Variants in TDRD9 observed in about 807,000 individuals in gnomAD.
TDRD9 encodes the protein tudor domain containing 9.
In TDRD9, 124 loss-of-function variants were observed where a neutral mutation model predicts 172.6. The ratio of observed to expected loss-of-function variants is 0.72; its 90% CI spans 0.62 to 0.83. The LOEUF (loss-of-function observed/expected upper bound fraction) is 0.83, where lower values mean the gene tolerates loss of function less well. Among genes scored for constraint, TDRD9 ranks in the 40% least tolerant of loss-of-function variants. The pLI is 0.00. For synonymous variants in TDRD9, 619 were observed against 617.1 expected (o/e 1.00, Z -0.05); for missense variants, 1,479 against 1,714.1 (o/e 0.86, Z 2.42).
intron 1 of TDRD9, among the ~76,000 whole-genome samples, chr14:103,934,799 G>A (rs1022092961): frequency 2.6e-5 from 4 of 152,240 alleles, no homozygotes; most frequent in Non-Finnish European, 5.9e-5. Context: ...AAGGACAGGA[G>A]CAGGGTGGTC....
intron 1 of TDRD9, chr14:103,939,676 GGTTTTTTTTTTTTTTT>G (rs1462508847): frequency 2.5e-4 from 9 of 36,324 alleles, no homozygotes; most frequent in African/African-American, 8.1e-4. Context: ...AAGTTAGGAG[GGTTTTTTTTTTTTTTT>G]TTTTTTTTTT....
At chr14:104,035,174 G>C in intron 32 of TDRD9, 118 bp downstream of exon 32, 1 of 717,148 alleles carries the variant, frequency 1.4e-6, no homozygotes, top group Non-Finnish European at 2.3e-6. Flanking sequence ...GCCATGGCAC[G>C]TCTCGCTGCT....
rs867864375 is a variant in TDRD9, at chr14:104,040,277, C to T, written c.3798C>T (p.Pro1266=). Residue 1266 remains proline (P), a synonymous_variant, in exon 33 of 36, where the codon CCC becomes CCT. Coordinates refer to ENST00000409874, the MANE Select transcript of TDRD9 (RefSeq NM_153046.3). ...CAGCTACAGGGGCTTCCATACTGCC[C>T]GAGCACGACATGGAGCTTGCGTTTG... ...WNPATGASIL[P]EHDMELAFDV... 24 of 1,551,486 alleles carry T rather than the reference C, an allele frequency of 1.5e-5. No homozygotes were observed. Among genetic ancestry groups the T allele is most frequent in the Middle Eastern group, 1.7e-4 (1 of 6,010 alleles).
rs1566784118 is a variant in TDRD9, at chr14:104,014,725, G to T, written c.2107G>T (p.Val703Leu). ...NYIQIKRIRE[V>L]AELYEELKTR... ...TCAGATTTCAATGTATTTTTCTTAG[G>T]TGGCTGAATTATATGAAGAATTGAA... The change falls in exon 21 of 36, where the codon GTG (valine) becomes TTG (leucine). Residue 703 changes from valine (V) to leucine (L), a missense_variant and splice_region_variant. By Grantham distance (32) the Val-to-Leu change is conservative. Coordinates refer to ENST00000409874, the MANE Select transcript of TDRD9 (RefSeq NM_153046.3). 2 of 1,576,128 alleles carry T rather than the reference G, an allele frequency of 1.3e-6. No homozygotes were observed. The highest frequency in any genetic ancestry group is 2.2e-5 in the South Asian group (2 of 89,910).
intron 33 of TDRD9, among the ~76,000 whole-genome samples, chr14:104,040,857 A>G (rs1469146923): frequency 6.6e-6 from 1 of 152,292 alleles, no homozygotes; most frequent in Non-Finnish European, 1.5e-5. Context: ...GAAACTGTGT[A>G]GCAAGTACAC....
intron 35 of TDRD9, 179 bp downstream of exon 35, chr14:104,049,859 G>T: frequency 1.7e-6 from 1 of 580,218 alleles, no homozygotes; most frequent in South Asian, 2.4e-5. Flanking sequence ...GGCTGTTTCT[G>T]CACAGTGTCT....
At chr14:104,025,825 C>A in intron 26 of TDRD9, 49 bp downstream of exon 26, 1 of 1,396,372 alleles carries the variant, frequency 7.2e-7, no homozygotes, top group Non-Finnish European at 1.0e-6. Flanking sequence ...GACAGACAGA[C>A]GTACAGCAGT....
At chr14:103,945,856 G>A (rs2031527682) in intron 1 of TDRD9, among the ~76,000 whole-genome samples, 1 of 152,098 alleles carries the variant, frequency 6.6e-6, no homozygotes, top group Non-Finnish European at 1.5e-5. Flanking sequence ...AAGCTAAGGA[G>A]CCAGACATAA....
chr14:104,049,124 G>GTA (rs2035869150), intron 34 of TDRD9, among the ~76,000 whole-genome samples: 3 of 140,658 alleles, frequency 2.1e-5, no homozygotes, highest in South Asian at 2.2e-4. Flanking sequence ...GTATGTATGT[G>GTA]TGTGTGTGTG....
intron 11 of TDRD9, among the ~76,000 whole-genome samples, chr14:103,995,157 C>G (rs10132127): frequency 0.38 from 58,317 of 151,994 alleles, 11,394 homozygotes; most frequent in African/African-American, 0.43. Flanking sequence ...TTTAGCATTT[C>G]TTTAACTTTG....
chr14:104,027,250 G>A (rs1025789760), intron 28 of TDRD9, among the ~76,000 whole-genome samples: 1 of 152,050 alleles, frequency 6.6e-6, no homozygotes, highest in East Asian at 1.9e-4. Context: ...GGGTCTCCCT[G>A]TGTTGCCCAG....
chr14:103,960,744 T>C (rs897558139), intron 2 of TDRD9, among the ~76,000 whole-genome samples: 2 of 152,228 alleles, frequency 1.3e-5, no homozygotes, highest in Non-Finnish European at 2.9e-5. Context: ...GAAGGGGCTA[T>C]GGTATAGACA....
intron 23 of TDRD9, 133 bp from the exon 24 acceptor site, chr14:104,022,023 AT>A (rs2034970515): frequency 1.3e-5 from 9 of 669,112 alleles, no homozygotes; most frequent in Non-Finnish European, 2.1e-5. Flanking sequence ...CATGTTATTG[AT>A]TAATTATAAA....
At chr14:103,973,662 T>C (rs1416628635) in intron 6 of TDRD9, among the ~76,000 whole-genome samples, 1 of 152,244 alleles carries the variant, frequency 6.6e-6, no homozygotes, top group African/African-American at 2.4e-5. Flanking sequence ...CTCTGTGTCC[T>C]GCAGTTCACT....
intron 6 of TDRD9, 55 bp from the exon 7 acceptor site, chr14:103,975,334 T>C: frequency 6.5e-7 from 1 of 1,546,570 alleles, no homozygotes. Context: ...TTTAGAAGTA[T>C]TTAATTTGTG....
At chr14:103,950,729 T>C (rs545172616) in intron 1 of TDRD9, among the ~76,000 whole-genome samples, 35 of 152,318 alleles carry the variant, frequency 2.3e-4, no homozygotes, top group African/African-American at 7.0e-4. Context: ...AAAAACCGCA[T>C]GTGTGAAATG....
Position 103,965,362 on chromosome 14 carries a change from G to A in TDRD9, c.450G>A (p.Val150=). ...EVVSLIESNS[V]VIIHGATGSG... The stretch of plus-strand genomic sequence containing the variant: ...TGTCTTTGATAGAAAGTAATTCCGT[G>A]GTGATTATCCATGGGGCCACGGGAA... The change falls in exon 4 of 36, where the codon GTG becomes GTA. Residue 150 remains valine (V), a synonymous_variant. Coordinates refer to ENST00000409874, the MANE Select transcript of TDRD9 (RefSeq NM_153046.3). The A allele has an allele frequency of 6.4e-7, 1 of 1,551,684 alleles. No homozygotes were observed. The highest frequency in any genetic ancestry group is 8.7e-7 in the Non-Finnish European group (1 of 1,146,994).
intron 24 of TDRD9, among the ~76,000 whole-genome samples, chr14:104,022,826 C>T (rs992276999): frequency 2.6e-5 from 4 of 152,118 alleles, no homozygotes; most frequent in Non-Finnish European, 5.9e-5. Context: ...CATCTCCTCA[C>T]TGTGTGCACT....
intron 1 of TDRD9, among the ~76,000 whole-genome samples, chr14:103,929,960 C>CA (rs1189865021): frequency 6.6e-6 from 1 of 152,184 alleles, no homozygotes; most frequent in East Asian, 1.9e-4. Context: ...TAGCTACCAT[C>CA]AGTTACTCTG....
Sources: allele counts gnomAD v4.1 joint callset (sites outside exome capture counted in the v4.1 genomes callset), GRCh38; gene constraint gnomAD v4.1.1; transcripts MANE v1.5; gene names NCBI Gene and HGNC (gene_info 2026-07-23, HGNC 2026-07-21).